ERG: variants seen among roughly 807,000 people sequenced by gnomAD.
ERG encodes the protein ETS transcription factor ERG.
ERG carries 9 observed loss-of-function variants against 55.3 expected under a neutral mutation model. The ratio of observed to expected loss-of-function variants is 0.16; its 90% CI spans 0.10 to 0.28. The LOEUF (loss-of-function observed/expected upper bound fraction) is 0.28. Ranked by LOEUF, ERG falls within the 10% of genes least tolerant of loss-of-function variation. ERG has a pLI of 1.00. For synonymous variants in ERG, 223 were observed against 237.3 expected (o/e 0.94, Z 0.55); for missense variants, 434 against 631.6 (o/e 0.69, Z 3.35).
intron 2 of ERG, among the ~76,000 whole-genome samples, chr21:38,554,602 A>T (rs1231335690): frequency 1.3e-5 from 2 of 152,222 alleles, no homozygotes; most frequent in Non-Finnish European, 2.9e-5. Context: ...GTTTTCACTT[A>T]TAAGTGGGAG....
At chr21:38,493,743 C>T (rs186636768) in intron 1 of ERG, among the ~76,000 whole-genome samples, 2 of 152,156 alleles carry the variant, frequency 1.3e-5, no homozygotes, top group Non-Finnish European at 2.9e-5. Context: ...GCTCCACCTG[C>T]CCCTGTGTGT....
At chr21:38,580,803 C>A (rs1830565567) in intron 1 of ERG, among the ~76,000 whole-genome samples, 1 of 152,162 alleles carries the variant, frequency 6.6e-6, no homozygotes, top group South Asian at 2.1e-4. Context: ...GGAAAATAAG[C>A]ATTTTGTAAT....
intron 1 of ERG, among the ~76,000 whole-genome samples, chr21:38,628,097 T>C (rs1601329941): frequency 6.6e-6 from 1 of 152,142 alleles, no homozygotes; most frequent in South Asian, 2.1e-4. Context: ...TACAGGTGCA[T>C]GCCACCACAG....
chr21:38,611,595 G>A (rs1374231774), intron 1 of ERG, among the ~76,000 whole-genome samples: 2 of 152,130 alleles, frequency 1.3e-5, no homozygotes, highest in African/African-American at 4.8e-5. Context: ...CCTCACTCCA[G>A]TGTCAGTCTT....
rs115098471 is a variant in ERG at position 38,505,300 on chromosome 21, C to T, written c.-41+70362G>A. Among the ~76,000 whole-genome samples, 409 of 152,288 alleles carry T rather than the reference C, an allele frequency of 2.7e-3. 1 individual carries two copies. The highest frequency in any genetic ancestry group is 0.015 in the East Asian group (80 of 5,180). ...TCAGCGCAGTAACTGCTACATGGTA[C>T]GCTCCACATGGTATCCTCTCCACCT... On this transcript the variant is annotated intron_variant, in intron 2 of 8. Transcript: ENST00000398897.
intron 3 of ERG, among the ~76,000 whole-genome samples, chr21:38,418,719 G>C (rs1166653559): frequency 2.0e-5 from 3 of 151,906 alleles, no homozygotes; most frequent in Non-Finnish European, 4.4e-5. Flanking sequence ...CTGAGGTCAG[G>C]AGTTTGAGAC....
At chr21:38,602,861 A>T (rs1381959744) in intron 1 of ERG, among the ~76,000 whole-genome samples, 3 of 151,974 alleles carry the variant, frequency 2.0e-5, no homozygotes, top group African/African-American at 7.3e-5. Flanking sequence ...GTCCTCAAGA[A>T]AAAAACGACG....
At chr21:38,520,266 G>C (rs1031444580) in intron 2 of ERG, among the ~76,000 whole-genome samples, 6 of 152,154 alleles carry the variant, frequency 3.9e-5, no homozygotes, top group African/African-American at 1.4e-4. Flanking sequence ...GGAGCTGGAG[G>C]GGATGGCCTT....
At chr21:38,502,435 G>T (rs1010847256), upstream of ERG, 1 of 156,890 alleles carries the variant, frequency 6.4e-6, no homozygotes, top group South Asian at 1.7e-4. Context: ...TAACCTTCCC[G>T]AGTTGAAAAA....
intron 2 of ERG, among the ~76,000 whole-genome samples, chr21:38,442,319 C>CCG (rs1555899866): frequency 6.6e-6 from 1 of 152,060 alleles, no homozygotes; most frequent in Non-Finnish European, 1.5e-5. Context: ...GCTTGAACCC[C>CCG]GGGGGGTGGA....
Position 38,382,564 on chromosome 21 carries a change from C to T in ERG, c.*839G>A. On this transcript the variant is annotated 3_prime_UTR_variant, in exon 10 of 10. Coordinates refer to ENST00000288319, the MANE Select transcript of ERG (RefSeq NM_182918.4). ...TCCTAACACTGGGTTTGGTATAACA[C>T]TGACTGCATGAACCCTCGAGTCTCC... The T allele has an allele frequency of 9.4e-7, 1 of 1,066,016 alleles. No individual in the cohort carries two copies. Among genetic ancestry groups the T allele is most frequent in the Non-Finnish European group, 1.1e-6 (1 of 879,446 alleles). 66.0% of individuals were successfully genotyped at this position (1,066,016 alleles called of 1,614,324 possible).
chr21:38,555,463 C>A (rs1189094894), intron 2 of ERG, among the ~76,000 whole-genome samples: 1 of 151,830 alleles, frequency 6.6e-6, no homozygotes, highest in African/African-American at 2.4e-5. Flanking sequence ...AAAATTTCAA[C>A]AATTTCTGGA....
At chr21:38,627,300 T>C (rs955694269) in intron 1 of ERG, among the ~76,000 whole-genome samples, 26 of 152,020 alleles carry the variant, frequency 1.7e-4, no homozygotes, top group African/African-American at 6.0e-4. Context: ...ATTAAAGAAG[T>C]CTACTTGGAA....
chr21:38,421,696 C>T (rs914432580), intron 3 of ERG, among the ~76,000 whole-genome samples: 1 of 152,206 alleles, frequency 6.6e-6, no homozygotes, highest in African/African-American at 2.4e-5. Flanking sequence ...TACAGTGCAG[C>T]TCAGTGGTGA....
At chr21:38,640,656 T>A (rs2060418666) in intron 1 of ERG, among the ~76,000 whole-genome samples, 1 of 152,208 alleles carries the variant, frequency 6.6e-6, no homozygotes, top group South Asian at 2.1e-4. Flanking sequence ...GCCATGATTG[T>A]GAGGCCTCCC....
intron 1 of ERG, among the ~76,000 whole-genome samples, chr21:38,474,902 A>G (rs2059173686): frequency 6.6e-6 from 1 of 152,230 alleles, no homozygotes; most frequent in Non-Finnish European, 1.5e-5. Context: ...TCCTGATAAC[A>G]TCTAACATTT....
chr21:38,446,639 C>T (rs1329592551), intron 1 of ERG, among the ~76,000 whole-genome samples: 1 of 151,992 alleles, frequency 6.6e-6, no homozygotes, highest in Non-Finnish European at 1.5e-5. Context: ...GTATTGACAT[C>T]AACTAGTGAG....
downstream of ERG, among the ~76,000 whole-genome samples, chr21:38,375,742 G>A (rs7510371): frequency 8.2e-3 from 1,245 of 152,178 alleles, 19 homozygotes; most frequent in African/African-American, 0.027. Context: ...GCTTGATTGC[G>A]CATCACTTGT....
chr21:38,373,416 C>G, the ERG span, among the ~76,000 whole-genome samples: 1 of 152,216 alleles, frequency 6.6e-6, no homozygotes, highest in African/African-American at 2.4e-5. Flanking sequence ...GACGTAAGAT[C>G]TGGTAATAAT....
Sources: allele counts gnomAD v4.1 joint callset (sites outside exome capture counted in the v4.1 genomes callset), GRCh38; gene constraint gnomAD v4.1.1; transcripts MANE v1.5; gene names NCBI Gene and HGNC (gene_info 2026-07-23, HGNC 2026-07-21).